The following MTNR1A variants were observed in gnomAD, a reference collection of about 807,000 sequenced individuals.
MTNR1A encodes the protein melatonin receptor 1A, also known as melatonin receptor type 1A.
Under a neutral mutation model 5.5 loss-of-function variants are expected in MTNR1A, and 7 were observed. That is an observed-to-expected ratio of 1.28 (90% CI 0.73 to 2.40). MTNR1A has a LOEUF of 2.40. MTNR1A is among the 30% of genes most tolerant of loss of function. MTNR1A has a pLI of 0.00. For missense variants in MTNR1A, 441 were observed against 464.4 expected, an observed-to-expected ratio of 0.95 and a Z score of 0.46; for synonymous variants, 196 against 202.7, an observed-to-expected ratio of 0.97 and a Z score of 0.28.
At chr4:186,542,577 C>G (rs1316449920) in intron 1 of MTNR1A, among the ~76,000 whole-genome samples, 1 of 152,120 alleles carries the variant, frequency 6.6e-6, no homozygotes, top group Non-Finnish European at 1.5e-5. Flanking sequence ...GTACAGATCC[C>G]TATCATGTGG....
intron 1 of MTNR1A, among the ~76,000 whole-genome samples, chr4:186,544,314 C>T (rs1023633623): frequency 3.9e-5 from 6 of 152,180 alleles, no homozygotes; most frequent in African/African-American, 1.4e-4. Context: ...CCACCATGCC[C>T]GGCCTGCAGC....
intron 1 of MTNR1A, among the ~76,000 whole-genome samples, chr4:186,539,580 T>C (rs969106276): frequency 6.6e-6 from 1 of 152,204 alleles, no homozygotes; most frequent in Admixed American, 6.5e-5. Context: ...GATTAGTGCC[T>C]TTATAAAAGA....
Position 186,555,240 on chromosome 4 carries a change from G to T in MTNR1A, c.126C>A (p.Ile42=). The T allele has an allele frequency of 6.3e-7, 1 of 1,582,336 alleles. No individual in the cohort carries two copies. Among genetic ancestry groups the T allele is most frequent in the South Asian group, 1.2e-5 (1 of 86,590 alleles). ...ACAGGATGACCAGGAGGTTGCCCAG[G>T]ATGTCCACCACGATGGTGAAGATGA... ...CVLIFTIVVD[I]LGNLLVILSV... The change falls in exon 1 of 2, where the codon ATC becomes ATA. Residue 42 remains isoleucine (I), a synonymous_variant. Coordinates refer to ENST00000307161, the MANE Select transcript of MTNR1A (RefSeq NM_005958.4). The surrounding 1 kb of genome is among the most constrained non-coding windows in gnomAD (Gnocchi z 4.1).
intron 1 of MTNR1A, among the ~76,000 whole-genome samples, chr4:186,545,719 G>A (rs376587863): frequency 1.6e-4 from 24 of 152,266 alleles, no homozygotes; most frequent in African/African-American, 5.5e-4. Context: ...AAAAGGAACT[G>A]AGTGTGCCTG....
chr4:186,534,482 G>A lies in MTNR1A; in HGVS notation c.260C>T (p.Ser87Leu), dbSNP rs759026970. 2.5e-6 allele frequency: 4 copies of A among 1,613,906 alleles called. No homozygotes were observed. Among genetic ancestry groups the A allele is most frequent in the Non-Finnish European group, 3.4e-6 (4 of 1,180,030 alleles). Residue 87 changes from serine to leucine, a missense_variant, in exon 2 of 2, where the codon TCG (serine) becomes TTG (leucine). Coordinates refer to ENST00000307161, the MANE Select transcript of MTNR1A (RefSeq NM_005958.4). The part of the protein sequence containing the change: ...AIYPYPLVLM[S>L]IFNNGWNLGY... ...CAGGTTCCACCCGTTGTTAAATATC[G>A]ACATCAGCACCAACGGGTACGGATA... is the stretch of plus-strand genomic sequence containing the variant.
At chr4:186,537,059 G>A (rs1026478787) in intron 1 of MTNR1A, among the ~76,000 whole-genome samples, 2 of 152,072 alleles carry the variant, frequency 1.3e-5, no homozygotes, top group Non-Finnish European at 2.9e-5. Flanking sequence ...TTCATGGCTC[G>A]AATACCCTGC....
At chr4:186,540,830 T>TGAAGGACCAGGGGCTGTCTGACTGAAG (rs1737002965) in intron 1 of MTNR1A, among the ~76,000 whole-genome samples, 1 of 148,318 alleles carries the variant, frequency 6.7e-6, no homozygotes, top group Non-Finnish European at 1.5e-5. Context: ...GCTGTCTGAC[T>TGAAGGACCAGGGGCTGTCTGACTGAAG]GAAGGACCAG....
chr4:186,542,717 G>A (rs1737053238), intron 1 of MTNR1A, among the ~76,000 whole-genome samples: 1 of 152,128 alleles, frequency 6.6e-6, no homozygotes, highest in African/African-American at 2.4e-5. Context: ...CTAGCAAAAT[G>A]TTTGCTTCCT....
chr4:186,552,951 C>T (rs1451093645), intron 1 of MTNR1A, among the ~76,000 whole-genome samples: 1 of 152,218 alleles, frequency 6.6e-6, no homozygotes. Context: ...GTCCACTGTC[C>T]CCGCCATGCA....
chr4:186,553,988 C>T (rs943643848), intron 1 of MTNR1A, among the ~76,000 whole-genome samples: 1 of 152,174 alleles, frequency 6.6e-6, no homozygotes, highest in Non-Finnish European at 1.5e-5. Flanking sequence ...GAGTTGACCA[C>T]GGCGCCACAG....
intron 1 of MTNR1A, among the ~76,000 whole-genome samples, chr4:186,551,968 C>T (rs1264587713): frequency 6.6e-6 from 1 of 152,070 alleles, no homozygotes; most frequent in African/African-American, 2.4e-5. Context: ...TAATAATAAA[C>T]TGCTTTTGAC....
At chr4:186,536,600 T>G (rs1393677596) in intron 1 of MTNR1A, among the ~76,000 whole-genome samples, 2 of 152,140 alleles carry the variant, frequency 1.3e-5, no homozygotes, top group Non-Finnish European at 2.9e-5. Flanking sequence ...ATAAATACAG[T>G]GACTTTTGCT....
chr4:186,555,112 G>A lies in MTNR1A; in HGVS notation c.184+70C>T. 1 of 1,476,868 alleles carries A rather than the reference G, an allele frequency of 6.8e-7. No individual in the cohort carries two copies. Among genetic ancestry groups the A allele is most frequent in the African/African-American group, 1.4e-5 (1 of 71,742 alleles). 91.5% of individuals were successfully genotyped at this position (1,476,868 alleles called of 1,614,324 possible). On this transcript the variant is annotated intron_variant, in intron 1 of 1. Transcript: ENST00000307161. This position sits in a 1 kb window ranked among gnomAD's most constrained non-coding sequence, Gnocchi z 4.1. Reference sequence around the variant, plus strand: ...TAGGAAAAAGAACCAAGTGCTTGGGGAAGGCTGGCTGCCCGCGGAGAGGCG... The same window carrying A: ...TAGGAAAAAGAACCAAGTGCTTGGGAAAGGCTGGCTGCCCGCGGAGAGGCG...
intron 1 of MTNR1A, among the ~76,000 whole-genome samples, chr4:186,547,384 C>A (rs976638057): frequency 5.3e-5 from 8 of 151,484 alleles, no homozygotes; most frequent in African/African-American, 1.7e-4. Context: ...CCACACCACA[C>A]CCTGTTCGTG....
At chr4:186,534,976 C>T (rs1736812959) in intron 1 of MTNR1A, among the ~76,000 whole-genome samples, 1 of 152,208 alleles carries the variant, frequency 6.6e-6, no homozygotes, top group Non-Finnish European at 1.5e-5. Context: ...GCTTCAGCAG[C>T]TCTCAGGGGG....
intron 1 of MTNR1A, among the ~76,000 whole-genome samples, chr4:186,545,795 T>C (rs962792797): frequency 6.6e-6 from 1 of 152,114 alleles, no homozygotes. Flanking sequence ...TTTTTTAAAA[T>C]TGCACGTGCA....
intron 1 of MTNR1A, among the ~76,000 whole-genome samples, chr4:186,539,517 G>T (rs6815575): frequency 0.66 from 100,313 of 152,104 alleles, 33,940 homozygotes; most frequent in Middle Eastern, 0.76. Flanking sequence ...AGTATTGAGA[G>T]GTGGGGCCTT....
intron 1 of MTNR1A, among the ~76,000 whole-genome samples, chr4:186,542,803 CT>C (rs1386362167): frequency 6.6e-6 from 1 of 152,136 alleles, no homozygotes; most frequent in Non-Finnish European, 1.5e-5. Context: ...GGAGATACCC[CT>C]TTGGTTTCAT....
At chr4:186,551,233 G>A (rs1287384437) in intron 1 of MTNR1A, among the ~76,000 whole-genome samples, 2 of 152,092 alleles carry the variant, frequency 1.3e-5, no homozygotes, top group African/African-American at 2.4e-5. Flanking sequence ...GCTGAATATC[G>A]AAATAATCAG....
Sources: allele counts gnomAD v4.1 joint callset (sites outside exome capture counted in the v4.1 genomes callset), GRCh38; gene constraint gnomAD v4.1.1; non-coding constraint Gnocchi (gnomAD v3.1); transcripts MANE v1.5; gene names NCBI Gene and HGNC (gene_info 2026-07-23, HGNC 2026-07-21).